PPM1H: variants seen among roughly 807,000 people sequenced by gnomAD.
PPM1H encodes protein phosphatase, Mg2+/Mn2+ dependent 1H, also known as protein phosphatase 1H.
In PPM1H, 27 loss-of-function variants were observed where a neutral mutation model predicts 54.9. That is an observed-to-expected ratio of 0.49 (90% CI 0.36 to 0.68). The LOEUF (loss-of-function observed/expected upper bound fraction) is 0.68, where lower values mean the gene tolerates loss of function less well. PPM1H is among the 30% of genes least tolerant of loss of function. The pLI is 0.00. For synonymous variants in PPM1H, 305 were observed against 270.8 expected (o/e 1.13, Z -1.24); for missense variants, 596 against 667.8 (o/e 0.89, Z 1.19).
At chr12:62,753,888 C>A (rs191558419) in intron 4 of PPM1H, among the ~76,000 whole-genome samples, 1 of 152,298 alleles carries the variant, frequency 6.6e-6, no homozygotes, top group Non-Finnish European at 1.5e-5. Flanking sequence ...TGTTCTGATT[C>A]TTACTTGATT....
chr12:62,858,462 G>GTTCA (rs3051846), intron 1 of PPM1H, among the ~76,000 whole-genome samples: 91,205 of 151,584 alleles, frequency 0.6, 28,940 homozygotes, highest in East Asian at 0.97. Flanking sequence ...TGTTGTTGTT[G>GTTCA]TTGTTTTTTT....
intron 8 of PPM1H, among the ~76,000 whole-genome samples, chr12:62,683,985 G>A (rs996070569): frequency 6.6e-6 from 1 of 152,212 alleles, no homozygotes. Context: ...TGCTGAGAAA[G>A]AAGAATGTGA....
At chr12:62,783,137 C>T (rs1347421431) in intron 4 of PPM1H, among the ~76,000 whole-genome samples, 1 of 152,154 alleles carries the variant, frequency 6.6e-6, no homozygotes, top group African/African-American at 2.4e-5. Context: ...CGGCCAAAAA[C>T]ACAACATTTA....
chr12:62,749,879 G>A (rs966631887), intron 4 of PPM1H, among the ~76,000 whole-genome samples: 5 of 152,156 alleles, frequency 3.3e-5, no homozygotes, highest in Admixed American at 1.3e-4. Flanking sequence ...AACCAGCCCA[G>A]TCTGTACTCA....
intron 3 of PPM1H, among the ~76,000 whole-genome samples, chr12:62,795,492 G>A (rs995360124): frequency 6.6e-6 from 1 of 151,834 alleles, no homozygotes; most frequent in African/African-American, 2.4e-5. Flanking sequence ...TGTCACTCAG[G>A]TTGGAGTGCA....
Position 62,731,718 on chromosome 12 carries a change from T to C in PPM1H, c.954+5784A>G, listed in dbSNP as rs112153277. On this transcript the variant is annotated intron_variant, in intron 5 of 9. Transcript: ENST00000228705. ...GAAAAACAGCTGCAAACTTGGATTA[T>C]TCTGCAAGGACAGAAGTATGTTATT... Among the ~76,000 whole-genome samples, 1,201 of 152,338 alleles carry C rather than the reference T, an allele frequency of 7.9e-3. 24 individuals are homozygous for C. Among genetic ancestry groups the C allele is most frequent in the African/African-American group, 0.027 (1,135 of 41,568 alleles).
intron 1 of PPM1H, among the ~76,000 whole-genome samples, chr12:62,836,510 T>G (rs1441599515): frequency 1.3e-5 from 2 of 152,236 alleles, no homozygotes; most frequent in African/African-American, 4.8e-5. Context: ...TGTTACTCCC[T>G]TTTTAAACGA....
At chr12:62,777,271 A>G (rs2076616469) in intron 4 of PPM1H, among the ~76,000 whole-genome samples, 1 of 152,218 alleles carries the variant, frequency 6.6e-6, no homozygotes, top group Non-Finnish European at 1.5e-5. Context: ...AGTAAAGCCC[A>G]GAGCTTCATG....
At chr12:62,930,644 T>C (rs114887149) in intron 1 of PPM1H, among the ~76,000 whole-genome samples, 1,621 of 151,590 alleles carry the variant, frequency 0.011, 27 homozygotes, top group African/African-American at 0.035. Flanking sequence ...ATTATAAAAA[T>C]GAACCAACCT....
intron 6 of PPM1H, among the ~76,000 whole-genome samples, chr12:62,705,964 G>C (rs1262294554): frequency 6.6e-6 from 1 of 152,122 alleles, no homozygotes; most frequent in Non-Finnish European, 1.5e-5. Flanking sequence ...CTCTGTGTCG[G>C]CCCTTGCGGC....
intron 2 of PPM1H, among the ~76,000 whole-genome samples, chr12:62,825,553 A>G (rs1868280852): frequency 6.6e-6 from 1 of 152,238 alleles, no homozygotes; most frequent in Non-Finnish European, 1.5e-5. Flanking sequence ...CTATGCAGCT[A>G]TAAAAACAGA....
intron 4 of PPM1H, among the ~76,000 whole-genome samples, chr12:62,768,946 C>A (rs892864462): frequency 2.0e-5 from 3 of 152,126 alleles, no homozygotes; most frequent in Non-Finnish European, 2.9e-5. Flanking sequence ...TACCTGATTT[C>A]TTTTAGGCCT....
chr12:62,717,506 A>C (rs1385675662), intron 6 of PPM1H, among the ~76,000 whole-genome samples: 38 of 152,200 alleles, frequency 2.5e-4, no homozygotes, highest in Admixed American at 2.5e-3. Flanking sequence ...AGAGAACAAG[A>C]GCAAGTGTGC....
rs2136641893 is a variant in PPM1H, at chr12:62,694,102, C to T, written c.1074-103G>A. On this transcript the variant is annotated intron_variant, in intron 6 of 9. Coordinates refer to ENST00000228705, the MANE Select transcript of PPM1H (RefSeq NM_020700.2). ...ATTTCATTTTCCCTGAGACCCCATC[C>T]ACTCACCACACTGACTACCTCTTCC... The T allele has an allele frequency of 4.3e-6, 4 of 926,606 alleles. No homozygotes were observed. The Admixed American group carries it at 8.3e-5, about 19-fold the overall frequency. 57.4% of individuals were successfully genotyped at this position (926,606 alleles called of 1,614,324 possible).
intron 1 of PPM1H, among the ~76,000 whole-genome samples, chr12:62,891,737 CGA>C (rs1332912694): frequency 6.6e-6 from 1 of 152,136 alleles, no homozygotes; most frequent in Non-Finnish European, 1.5e-5. Context: ...TAGCAGTTGT[CGA>C]GTCTTGCCGA....
chr12:62,656,114 C>T (rs1216581778), intron 9 of PPM1H, among the ~76,000 whole-genome samples: 9 of 152,212 alleles, frequency 5.9e-5, no homozygotes, highest in African/African-American at 1.7e-4. Flanking sequence ...CATAAATCCT[C>T]GATTGTCCTC....
rs1348289820 is a variant in PPM1H at position 62,785,148 on chromosome 12, T to C, written c.869+3078A>G. Reference sequence around the variant, plus strand: ...AGGATAAAAGTATCTGTTAGGCTTTTCAAATGATTAGATATAACATGTAAA... The same window carrying C: ...AGGATAAAAGTATCTGTTAGGCTTTCCAAATGATTAGATATAACATGTAAA... On this transcript the variant is annotated intron_variant, in intron 4 of 9. Coordinates refer to ENST00000228705, the MANE Select transcript of PPM1H (RefSeq NM_020700.2). Among the ~76,000 whole-genome samples the C allele has an allele frequency of 2.0e-5, 3 of 152,268 alleles. No individual in the cohort carries two copies. The East Asian group carries it at 5.8e-4, about 29-fold the overall frequency.
intron 9 of PPM1H, among the ~76,000 whole-genome samples, chr12:62,651,057 C>A (rs12227492): frequency 1.3e-5 from 2 of 152,086 alleles, no homozygotes; most frequent in Non-Finnish European, 2.9e-5. Context: ...GTTCAGAAAC[C>A]TGGCTAAGTT....
rs1195775518 is a variant in PPM1H at position 62,878,271 on chromosome 12, T to C, written c.246-45992A>G. 3.9e-5 allele frequency among the ~76,000 whole-genome samples: 6 copies of C among 152,134 alleles called. No individual in the cohort carries two copies. The East Asian group carries it at 1.2e-3, about 29-fold the overall frequency. On this transcript the variant is annotated intron_variant, in intron 1 of 9. Coordinates refer to ENST00000228705, the MANE Select transcript of PPM1H (RefSeq NM_020700.2). ...ATGCCTGTTTCTATTTTTAAAATGT[T>C]ACCTATACTGAAAAGGAAACATGTT...
Sources: gnomAD v4.1 joint callset for allele counts (sites outside exome capture counted in the v4.1 genomes callset) on GRCh38, gnomAD v4.1.1 for gene constraint, MANE v1.5 for transcripts, NCBI Gene and HGNC (gene_info 2026-07-23, HGNC 2026-07-21) for gene names.